Variants in LEAP2 observed in about 807,000 individuals in gnomAD.
The protein encoded by LEAP2 is liver-expressed antimicrobial peptide 2.
A neutral mutation model predicts 9.3 loss-of-function variants in LEAP2; 13 were observed. The observed-to-expected ratio is 1.39, with a 90% confidence interval of 0.91 to 2.21. The LOEUF is 2.21. Ranked by LOEUF, LEAP2 falls within the 30% of genes most tolerant of loss-of-function variation. LEAP2 has a pLI of 0.00. For synonymous variants in LEAP2, 34 were observed against 34.9 expected (o/e 0.98, Z 0.09); for missense variants, 98 against 94.0 (o/e 1.04, Z -0.17).
intron 1 of LEAP2, 21 bp downstream of exon 1, chr5:132,873,772 A>ATG (rs759762999): frequency 2.2e-5 from 35 of 1,606,272 alleles, no homozygotes; most frequent in South Asian, 2.1e-4. Context: ...AAGGATACTT[A>ATG]TGTGTGTGTG....
At position 132,874,926 on chromosome 5, in the gene LEAP2, GAGGC is replaced by G. The variant is rs1561472714; in HGVS notation, c.*481_*484del. On this transcript the variant is annotated 3_prime_UTR_variant, in exon 3 of 3. Transcript: ENST00000296877. ...AGGTGTCAAAGGTGGTCAAGCTTGGGAGGCTGAGGCAGGAGAATCACTTGAACCT... is the reference window on the plus strand; with the variant it reads ...AGGTGTCAAAGGTGGTCAAGCTTGGGTGAGGCAGGAGAATCACTTGAACCT... 4.7e-6 allele frequency: 1 copy of G among 211,602 alleles called. No homozygotes were observed. Among genetic ancestry groups the G allele is most frequent in the South Asian group, 6.7e-5 (1 of 14,964 alleles). 13.1% of individuals were successfully genotyped at this position (211,602 alleles called of 1,614,324 possible). A position where few individuals can be genotyped will look rare whatever the true frequency, so the allele number is the denominator to read the frequency against.
chr5:132,874,021 A>G lies in LEAP2; in HGVS notation c.129A>G (p.Arg43=). 2 of 1,614,024 alleles carry G rather than the reference A, an allele frequency of 1.2e-6. No homozygotes were observed. The highest frequency in any genetic ancestry group is 1.7e-6 in the Non-Finnish European group (2 of 1,179,946). ...CACGGAGAATGACCCCATTTTGGAG[A>G]GGGGTTTCCCTCAGGCCTATTGGAG... The part of the protein sequence containing the change: ...RRPRRMTPFW[R]GVSLRPIGAS... The change falls in exon 2 of 3, where the codon AGA becomes AGG. Residue 43 remains arginine, a synonymous_variant. Coordinates refer to ENST00000296877, the MANE Select transcript of LEAP2 (RefSeq NM_052971.3).
intron 2 of LEAP2, 134 bp downstream of exon 2, chr5:132,874,223 GGAA>G: frequency 9.1e-7 from 1 of 1,098,364 alleles, no homozygotes; most frequent in Non-Finnish European, 1.3e-6. Flanking sequence ...GGAGCTCCAT[GGAA>G]AATCCCTTAG....
intron 2 of LEAP2, 70 bp downstream of exon 2, chr5:132,874,159 G>A (rs1759783634): frequency 1.3e-6 from 2 of 1,493,798 alleles, no homozygotes; most frequent in South Asian, 2.4e-5. Context: ...AGTGACAAGG[G>A]GACACATGAA....
chr5:132,873,754 A>G lies in LEAP2; in HGVS notation c.57+3A>G, dbSNP rs1183416436. On this transcript the variant is annotated splice_donor_region_variant and intron_variant, in intron 1 of 2. Coordinates refer to ENST00000296877, the MANE Select transcript of LEAP2 (RefSeq NM_052971.3). Reference sequence around the variant, plus strand: ...TCTTCCTGTTGCTGTTGGGCCAGGTAAGGAGGGAAGGATACTTATGTGTGT... The same window carrying G: ...TCTTCCTGTTGCTGTTGGGCCAGGTGAGGAGGGAAGGATACTTATGTGTGT... 1 of 1,612,712 alleles carries G rather than the reference A, an allele frequency of 6.2e-7. No individual in the cohort carries two copies. Among genetic ancestry groups the G allele is most frequent in the East Asian group, 2.2e-5 (1 of 44,878 alleles).
Position 132,874,101 on chromosome 5 carries a change from AC to A in LEAP2, c.197+14del. 1 of 1,608,458 alleles carries A rather than the reference AC, an allele frequency of 6.2e-7. No individual in the cohort carries two copies. Among genetic ancestry groups the A allele is most frequent in the Non-Finnish European group, 8.5e-7 (1 of 1,176,162 alleles). On this transcript the variant is annotated intron_variant, in intron 2 of 2. Transcript: ENST00000296877. The stretch of plus-strand genomic sequence containing the variant: ...ACAAGGCTATGCAGGTACTCCCTGA[AC>A]CTGGGAGCAGGGTTGGGCCAGAGAG...
At position 132,873,753 on chromosome 5, in the gene LEAP2, T is replaced by C. The variant is rs774687467; in HGVS notation, c.57+2T>C. 9.3e-6 allele frequency: 15 copies of C among 1,612,830 alleles called. No individual in the cohort carries two copies. In the East Asian group the frequency reaches 3.1e-4, roughly 34 times the overall value. ...ATCTTCCTGTTGCTGTTGGGCCAGGTAAGGAGGGAAGGATACTTATGTGTG... is the reference window on the plus strand; with the variant it reads ...ATCTTCCTGTTGCTGTTGGGCCAGGCAAGGAGGGAAGGATACTTATGTGTG... On this transcript the variant is annotated splice_donor_variant, in intron 1 of 2. Transcript: ENST00000296877. LOFTEE classifies it high-confidence loss of function.
chr5:132,873,736 G>C lies in LEAP2; in HGVS notation c.42G>C (p.Leu14=), dbSNP rs374407183. ...TTTGTGCAGTCCTCATGATCTTCCTGTTGCTGTTGGGCCAGGTAAGGAGGG... is the reference window on the plus strand; with the variant it reads ...TTTGTGCAGTCCTCATGATCTTCCTCTTGCTGTTGGGCCAGGTAAGGAGGG... The part of the protein sequence containing the change: ...LKLCAVLMIF[L]LLLGQIDGSP... The change falls in exon 1 of 3, where the codon CTG becomes CTC. Residue 14 remains leucine, a synonymous_variant. Transcript: ENST00000296877. 79 of 1,613,862 alleles carry C rather than the reference G, an allele frequency of 4.9e-5. No individual in the cohort carries two copies. Among genetic ancestry groups the C allele is most frequent in the Non-Finnish European group, 6.4e-5 (75 of 1,179,898 alleles).
chr5:132,873,773 T>C (rs754993187), intron 1 of LEAP2, 22 bp downstream of exon 1: 14 of 1,593,414 alleles, frequency 8.8e-6, no homozygotes, highest in African/African-American at 2.7e-5. Context: ...AGGATACTTA[T>C]GTGTGTGTGT....
chr5:132,874,344 G>T, intron 2 of LEAP2, 66 bp from the exon 3 acceptor site: 2 of 1,349,154 alleles, frequency 1.5e-6, no homozygotes. Flanking sequence ...GGAAGGAAAT[G>T]CAGCATAGGT....
In LEAP2 at chr5:132,874,412, A is replaced by G; in HGVS notation, c.200A>G (p.Lys67Arg). Residue 67 changes from lysine to arginine, a missense_variant and splice_region_variant, in exon 3 of 3, where the codon AAA becomes AGA. Transcript: ENST00000296877. The stretch of plus-strand genomic sequence containing the variant: ...AACTACCCTTTCTTTTCCCCTAGAA[A>G]AAGACGCTGTTCCTTAAGTGTGGCC... ...DSECITRLCR[K>R]RRCSLSVAQE 6.2e-7 allele frequency: 1 copy of G among 1,613,890 alleles called. No homozygotes were observed. The highest frequency in any genetic ancestry group is 8.5e-7 in the Non-Finnish European group (1 of 1,179,764).
At chr5:132,874,211 T>G in intron 2 of LEAP2, 122 bp downstream of exon 2, 5 of 1,157,916 alleles carry the variant, frequency 4.3e-6, no homozygotes, top group Non-Finnish European at 6.2e-6. Flanking sequence ...AGACTGAGAC[T>G]GGGAGCTCCA....
At chr5:132,873,894 C>A (rs1759776493) in intron 1 of LEAP2, 56 bp from the exon 2 acceptor site, 18 of 1,607,618 alleles carry the variant, frequency 1.1e-5, no homozygotes, top group Non-Finnish European at 1.5e-5. Context: ...ATCACTCTTC[C>A]AAGGTGTGCA....
rs1319016365 is a variant in LEAP2, at chr5:132,873,955, T to C, written c.63T>C (p.Asp21=). The stretch of plus-strand genomic sequence containing the variant: ...GAATGTCTTTGCCCTTACAGATAGA[T>C]GGCTCCCCAATACCAGAAGTGAGTT... The part of the protein sequence containing the change: ...MIFLLLLGQI[D]GSPIPEVSSA... The change falls in exon 2 of 3, where the codon GAT becomes GAC. Residue 21 remains aspartate, a synonymous_variant. Coordinates refer to ENST00000296877, the MANE Select transcript of LEAP2 (RefSeq NM_052971.3). 2 of 1,614,030 alleles carry C rather than the reference T, an allele frequency of 1.2e-6. No individual in the cohort carries two copies. The highest frequency in any genetic ancestry group is 1.7e-6 in the Non-Finnish European group (2 of 1,179,990).
Position 132,874,610 on chromosome 5 carries a change from T to C in LEAP2, c.*164T>C. ...CTTTAAATTGGTCTCCATTTCTTCT[T>C]AGAATGTTGATATATGGATAAGCAT... On this transcript the variant is annotated 3_prime_UTR_variant, in exon 3 of 3. Transcript: ENST00000296877. The C allele has an allele frequency of 4.2e-6, 3 of 718,176 alleles. No homozygotes were observed. The highest frequency in any genetic ancestry group is 7.6e-6 in the Non-Finnish European group (3 of 395,850). 44.5% of individuals were successfully genotyped at this position (718,176 alleles called of 1,614,324 possible). A position where few individuals can be genotyped will look rare whatever the true frequency, so the allele number is the denominator to read the frequency against.
chr5:132,873,742 G>C lies in LEAP2; in HGVS notation c.48G>C (p.Leu16=). The C allele has an allele frequency of 6.2e-7, 1 of 1,613,758 alleles. No individual in the cohort carries two copies. Among genetic ancestry groups the C allele is most frequent in the Non-Finnish European group, 8.5e-7 (1 of 1,179,668 alleles). ...CAGTCCTCATGATCTTCCTGTTGCTGTTGGGCCAGGTAAGGAGGGAAGGAT... is the reference window on the plus strand; with the variant it reads ...CAGTCCTCATGATCTTCCTGTTGCTCTTGGGCCAGGTAAGGAGGGAAGGAT... ...LCAVLMIFLL[L]LGQIDGSPIP... is the part of the protein sequence containing the mutation. The change falls in exon 1 of 3, where the codon CTG becomes CTC. Residue 16 remains leucine (L), a synonymous_variant. Coordinates refer to ENST00000296877, the MANE Select transcript of LEAP2 (RefSeq NM_052971.3).
chr5:132,874,347 G>A (rs1180215972), intron 2 of LEAP2, 63 bp from the exon 3 acceptor site: 11 of 1,368,098 alleles, frequency 8.0e-6, no homozygotes, highest in Non-Finnish European at 2.1e-6. Flanking sequence ...AGGAAATGCA[G>A]CATAGGTGGC....
Position 132,874,108 on chromosome 5 carries a change from A to G in LEAP2, c.197+19A>G. ...TATGCAGGTACTCCCTGAACCTGGG[A>G]GCAGGGTTGGGCCAGAGAGCCCTGG... On this transcript the variant is annotated intron_variant, in intron 2 of 2. Transcript: ENST00000296877. The G allele has an allele frequency of 6.2e-7, 1 of 1,606,874 alleles. No homozygotes were observed. The highest frequency in any genetic ancestry group is 8.5e-7 in the Non-Finnish European group (1 of 1,175,198).
rs1026295344 is a variant in LEAP2 at position 132,873,865 on chromosome 5, G to C, written c.58-85G>C. 21 of 1,591,872 alleles carry C rather than the reference G, an allele frequency of 1.3e-5. No homozygotes were observed. In the African/African-American group the frequency reaches 2.4e-4, roughly 18 times the overall value. ...ATGGTTCCTCTGTTCTGAGTCTACA[G>C]CATCTGCGGAATGGAATGATCACTC... is the stretch of plus-strand genomic sequence containing the variant. On this transcript the variant is annotated intron_variant, in intron 1 of 2. Transcript: ENST00000296877.
Sources: gnomAD v4.1 joint callset for allele counts on GRCh38, gnomAD v4.1.1 for gene constraint, MANE v1.5 for transcripts, NCBI Gene and HGNC (gene_info 2026-07-23, HGNC 2026-07-21) for gene names.